Variants in SAFB observed in about 807,000 individuals in gnomAD.
The protein encoded by SAFB is scaffold attachment factor B1.
Under a neutral mutation model 101.6 loss-of-function variants are expected in SAFB, and 15 were observed. The ratio of observed to expected loss-of-function variants is 0.15; its 90% CI spans 0.10 to 0.23. The LOEUF (loss-of-function observed/expected upper bound fraction) is 0.23. Among genes scored for constraint, SAFB ranks in the 10% least tolerant of loss-of-function variants. The probability of loss-of-function intolerance (pLI) is 1.00; values close to 1 mark genes in which losing one functional copy is unlikely to be tolerated. For synonymous variants in SAFB, 449 were observed against 407.5 expected (o/e 1.10, Z -1.23); for missense variants, 930 against 1,104.1 (o/e 0.84, Z 2.23).
chr19:5,632,787 G>T (rs910807357), intron 2 of SAFB, among the ~76,000 whole-genome samples: 2 of 152,176 alleles, frequency 1.3e-5, no homozygotes, highest in Non-Finnish European at 2.9e-5. Flanking sequence ...ACCCAGGCCA[G>T]AGTGCAATGG....
intron 1 of SAFB, among the ~76,000 whole-genome samples, chr19:5,624,252 C>T (rs2053286604): frequency 6.7e-6 from 1 of 148,528 alleles, no homozygotes; most frequent in Non-Finnish European, 1.5e-5. Flanking sequence ...CTGTAAGAAG[C>T]AAAAAAGCAA....
chr19:5,653,405 C>G lies in SAFB; in HGVS notation c.1511C>G (p.Ser504Trp). The change falls in exon 11 of 21, where the codon TCG becomes TGG. Residue 504 changes from serine (S) to tryptophan (W), a missense_variant. Ser to Trp is a radical substitution (Grantham distance 177, BLOSUM62 -3). Around this residue, in one of 7 missense-constraint regions of SAFB, gnomAD observed 92 missense variants for 83.8 expected, o/e 1.10. Coordinates refer to ENST00000588852, the MANE Select transcript of SAFB (RefSeq NM_001201338.2). ...GACAGTGACGGGAAAAAGGAGAAGT[C>G]GAGCAACAGTGACAGGTACCCCTCC... ...KRDSDGKKEK[S>W]SNSDRSTNLK... 3 of 1,613,982 alleles carry G rather than the reference C, an allele frequency of 1.9e-6. No individual in the cohort carries two copies. The South Asian group carries it at 3.3e-5, about 18-fold the overall frequency.
chr19:5,628,669 A>G (rs1262270978), intron 2 of SAFB, among the ~76,000 whole-genome samples: 1 of 152,150 alleles, frequency 6.6e-6, no homozygotes, highest in Non-Finnish European at 1.5e-5. Context: ...TACTGGGTTT[A>G]AATATCTGAG....
chr19:5,668,278 C>T lies in SAFB; in HGVS notation c.2741C>T (p.Thr914Ile). 6.2e-7 allele frequency: 1 copy of T among 1,611,950 alleles called. No homozygotes were observed. The highest frequency in any genetic ancestry group is 8.5e-7 in the Non-Finnish European group (1 of 1,179,634). Reference protein sequence around the residue: ...RGSRPSDARFTRRY With the variant: ...RGSRPSDARFIRRY Reference sequence around the variant, plus strand: ...AGCAGGCCCAGCGATGCCCGCTTCACTCGCCGCTACTGAGTACTTGGAATC... The same window carrying T: ...AGCAGGCCCAGCGATGCCCGCTTCATTCGCCGCTACTGAGTACTTGGAATC... Residue 914 changes from threonine to isoleucine, a missense_variant, in exon 21 of 21, where the codon ACT (threonine) becomes ATT (isoleucine). Coordinates refer to ENST00000588852, the MANE Select transcript of SAFB (RefSeq NM_001201338.2).
chr19:5,646,786 A>T (rs2053836505), intron 5 of SAFB, among the ~76,000 whole-genome samples: 1 of 152,196 alleles, frequency 6.6e-6, no homozygotes, highest in Non-Finnish European at 1.5e-5. Context: ...GGCATTAACT[A>T]CCAGCATTAC....
chr19:5,637,951 T>C (rs2436498), intron 2 of SAFB, among the ~76,000 whole-genome samples: 44,616 of 152,160 alleles, frequency 0.29, 6,991 homozygotes, highest in Middle Eastern at 0.38. Context: ...AATTTGAGCA[T>C]GCCTATTCCT....
chr19:5,660,316 T>G (rs2054166314), intron 14 of SAFB, among the ~76,000 whole-genome samples: 2 of 151,682 alleles, frequency 1.3e-5, no homozygotes, highest in Non-Finnish European at 2.9e-5. Flanking sequence ...GGTGCTTTTT[T>G]TTTTTAAGTA....
chr19:5,666,946 G>A, intron 17 of SAFB, 100 bp from the exon 18 acceptor site: 1 of 810,256 alleles, frequency 1.2e-6, no homozygotes, highest in Middle Eastern at 3.4e-4. Context: ...TCTGTCCCGA[G>A]TGACTGTCGT....
chr19:5,641,424 G>A (rs2053710994), intron 2 of SAFB, among the ~76,000 whole-genome samples, 170 bp from the exon 3 acceptor site: 1 of 151,674 alleles, frequency 6.6e-6, no homozygotes, highest in South Asian at 2.1e-4. Flanking sequence ...TTGGGGGTGG[G>A]GCAGGGCTGT....
chr19:5,625,129 A>G (rs1339989847), intron 1 of SAFB, among the ~76,000 whole-genome samples: 2 of 152,210 alleles, frequency 1.3e-5, no homozygotes, highest in East Asian at 1.9e-4. Flanking sequence ...CCGCCAGCCC[A>G]TATCCCTGTC....
At chr19:5,634,119 A>G (rs557724080) in intron 2 of SAFB, among the ~76,000 whole-genome samples, 3 of 152,266 alleles carry the variant, frequency 2.0e-5, no homozygotes, top group Non-Finnish European at 4.4e-5. Context: ...AATAGTAAAT[A>G]GAATTAACAG....
At position 5,664,169 on chromosome 19, in the gene SAFB, G is replaced by A; in HGVS notation, c.2291+10G>A. On this transcript the variant is annotated intron_variant, in intron 16 of 20. Transcript: ENST00000588852. ...ACCACTCGGTGGACAGGTCAGTTGG[G>A]CCCCTGCTGGGCGTGCGGGTTTTCT... 6.2e-7 allele frequency: 1 copy of A among 1,612,514 alleles called. No homozygotes were observed. Among genetic ancestry groups the A allele is most frequent in the Non-Finnish European group, 8.5e-7 (1 of 1,179,538 alleles).
intron 5 of SAFB, 91 bp from the exon 6 acceptor site, chr19:5,647,925 A>G: frequency 8.2e-7 from 1 of 1,214,012 alleles, no homozygotes; most frequent in South Asian, 1.2e-5. Context: ...TGGATTTTTA[A>G]AATTCCCTCT....
At chr19:5,657,420 T>G in intron 14 of SAFB, 73 bp downstream of exon 14, 1 of 1,033,048 alleles carries the variant, frequency 9.7e-7, no homozygotes, top group African/African-American at 1.6e-5. Flanking sequence ...GAAGGATGTT[T>G]GCAGAGTTCC....
intron 9 of SAFB, among the ~76,000 whole-genome samples, chr19:5,652,561 G>T (rs17205911): frequency 0.045 from 6,805 of 152,228 alleles, 177 homozygotes; most frequent in Middle Eastern, 0.092. Context: ...CCGTCAAAGG[G>T]CGACCCTAAC....
chr19:5,662,417 C>G (rs1337068408), intron 15 of SAFB, among the ~76,000 whole-genome samples: 1 of 151,600 alleles, frequency 6.6e-6, no homozygotes, highest in Non-Finnish European at 1.5e-5. Flanking sequence ...TCGCGTGTAC[C>G]CAGGAGGCAG....
chr19:5,635,923 A>G (rs896188478), intron 2 of SAFB, among the ~76,000 whole-genome samples: 6 of 152,072 alleles, frequency 3.9e-5, no homozygotes, highest in Non-Finnish European at 7.4e-5. Context: ...TCCCATTTGC[A>G]TTCATTTTTG....
chr19:5,663,094 C>T lies in SAFB; in HGVS notation c.2154-928C>T, dbSNP rs538709812. ...CTCAGCTCACTGCAGCTTCCGCCTC[C>T]TGGGTTCAAGCAATTCTCCTGCTTC... On this transcript the variant is annotated intron_variant, in intron 15 of 20. Coordinates refer to ENST00000588852, the MANE Select transcript of SAFB (RefSeq NM_001201338.2). 2.0e-5 allele frequency among the ~76,000 whole-genome samples: 3 copies of T among 152,302 alleles called. No homozygotes were observed. In the South Asian group the frequency reaches 6.2e-4, roughly 32 times the overall value.
chr19:5,629,098 G>A (rs955625595), intron 2 of SAFB, among the ~76,000 whole-genome samples: 3 of 152,152 alleles, frequency 2.0e-5, no homozygotes, highest in African/African-American at 7.2e-5. Context: ...CGCCCGGCAG[G>A]TTTTAAAATA....
Sources: allele counts gnomAD v4.1 joint callset (sites outside exome capture counted in the v4.1 genomes callset), GRCh38; gene constraint gnomAD v4.1.1; regional missense constraint gnomAD v4.1.1; transcripts MANE v1.5; gene names NCBI Gene and HGNC (gene_info 2026-07-23, HGNC 2026-07-21).